CPD: variants seen among roughly 807,000 people sequenced by gnomAD.
CPD encodes metallocarboxypeptidase D.
In CPD, 69 loss-of-function variants were observed where a neutral mutation model predicts 138.3. That is an observed-to-expected ratio of 0.50 (90% CI 0.41 to 0.61). The LOEUF is 0.61. Ranked by LOEUF, CPD falls within the 20% of genes least tolerant of loss-of-function variation. The pLI is 0.00. For synonymous variants in CPD, 651 were observed against 642.1 expected, an observed-to-expected ratio of 1.01 and a Z score of -0.21; for missense variants, 1,432 against 1,733.3, an observed-to-expected ratio of 0.83 and a Z score of 3.09.
intron 2 of CPD, among the ~76,000 whole-genome samples, chr17:30,388,531 G>A (rs944165639): frequency 2.0e-5 from 3 of 152,200 alleles, no homozygotes; most frequent in South Asian, 4.1e-4. Flanking sequence ...ACAGTGCGCC[G>A]CCTCAGCTCC....
chr17:30,385,277 C>A (rs765417682), intron 2 of CPD, 41 bp downstream of exon 2: 4 of 1,605,418 alleles, frequency 2.5e-6, no homozygotes, highest in South Asian at 2.2e-5. Context: ...CCCCCTTGTT[C>A]GTTGAATTTT....
intron 1 of CPD, among the ~76,000 whole-genome samples, chr17:30,380,022 C>G (rs1567863183): frequency 6.6e-6 from 1 of 152,212 alleles, no homozygotes. Flanking sequence ...GAGAAGAGAT[C>G]TTAAGGATAA....
intron 13 of CPD, 36 bp downstream of exon 13, chr17:30,449,784 G>A (rs1913119245): frequency 6.6e-7 from 1 of 1,511,354 alleles, no homozygotes; most frequent in African/African-American, 1.4e-5. Flanking sequence ...GCTTTAAAAG[G>A]AAAAAGCTCA....
intron 14 of CPD, chr17:30,454,177 T>C (rs1913233897): frequency 6.6e-6 from 1 of 152,268 alleles, no homozygotes; most frequent in Admixed American, 6.5e-5. Flanking sequence ...GGGTTTTTCT[T>C]TTCTATTGCA....
rs1196362024 is a variant in CPD at position 30,415,290 on chromosome 17, C to CAG, written c.995-5550_995-5549dup. On this transcript the variant is annotated intron_variant, in intron 2 of 20. Transcript: ENST00000225719. Reference sequence around the variant, plus strand: ...TGTCCCCCTACAGTCATTTTCCATCCAGCAGTCAGAATGATCTTGACAGAA... The same window carrying CAG: ...TGTCCCCCTACAGTCATTTTCCATCCAGAGCAGTCAGAATGATCTTGACAGAA... Among the ~76,000 whole-genome samples, 2 of 152,120 alleles carry CAG rather than the reference C, an allele frequency of 1.3e-5. 1 individual carries two copies. The highest frequency in any genetic ancestry group is 1.3e-4 in the Admixed American group (2 of 15,268).
At chr17:30,438,358 T>C (rs1368483553) in intron 8 of CPD, among the ~76,000 whole-genome samples, 1 of 152,162 alleles carries the variant, frequency 6.6e-6, no homozygotes, top group Non-Finnish European at 1.5e-5. Flanking sequence ...CATTTGTGTC[T>C]CCATGGCAGT....
intron 2 of CPD, 95 bp downstream of exon 2, chr17:30,385,331 CTAACTT>C: frequency 7.1e-7 from 1 of 1,411,242 alleles, no homozygotes; most frequent in Admixed American, 2.3e-5. Flanking sequence ...CTGTAGAAAT[CTAACTT>C]TAAAAGATAT....
At chr17:30,438,850 C>T (rs532846425) in intron 8 of CPD, 125 bp from the exon 9 acceptor site, 7 of 546,322 alleles carry the variant, frequency 1.3e-5, no homozygotes, top group Non-Finnish European at 2.3e-5. Flanking sequence ...CCCCACCCCA[C>T]TCCCACCTCC....
chr17:30,415,723 A>G (rs1276585109), intron 2 of CPD, among the ~76,000 whole-genome samples: 1 of 152,220 alleles, frequency 6.6e-6, no homozygotes, highest in East Asian at 1.9e-4. Context: ...AATTACCAAG[A>G]GGTGGAAGCA....
At chr17:30,437,657 G>A (rs1912737524) in intron 8 of CPD, among the ~76,000 whole-genome samples, 1 of 152,098 alleles carries the variant, frequency 6.6e-6, no homozygotes, top group Admixed American at 6.6e-5. Flanking sequence ...ACTGCACTCT[G>A]AGCTGGGTGA....
At chr17:30,431,967 A>G in intron 8 of CPD, 86 bp downstream of exon 8, 1 of 881,228 alleles carries the variant, frequency 1.1e-6, no homozygotes, top group Non-Finnish European at 1.7e-6. Context: ...ACTCAGGTCA[A>G]GTGCTTCCAT....
intron 2 of CPD, among the ~76,000 whole-genome samples, chr17:30,408,927 A>G (rs1911881774): frequency 6.6e-6 from 1 of 152,120 alleles, no homozygotes; most frequent in African/African-American, 2.4e-5. Context: ...AAAAACTGGC[A>G]CAGTATTCTT....
intron 15 of CPD, 193 bp from the exon 16 acceptor site, chr17:30,456,063 A>G (rs1379931590): frequency 1.8e-6 from 1 of 560,280 alleles, no homozygotes; most frequent in Non-Finnish European, 3.2e-6. Flanking sequence ...GAACCTTTTC[A>G]TGTAAAGAGG....
chr17:30,411,489 G>GT lies in CPD; in HGVS notation c.995-9351dup, dbSNP rs1352116092. On this transcript the variant is annotated intron_variant, in intron 2 of 20. Transcript: ENST00000225719. ...GTTCCATTCTCCCCGTCACTTTCAG[G>GT]TACACCAATCAAATGTAGATTTGGT... 7.2e-5 allele frequency among the ~76,000 whole-genome samples: 11 copies of GT among 152,146 alleles called. 1 individual carries two copies. Among genetic ancestry groups the GT allele is most frequent in the Admixed American group, 3.9e-4 (6 of 15,272 alleles).
intron 2 of CPD, among the ~76,000 whole-genome samples, chr17:30,393,495 A>G (rs1911411959): frequency 6.6e-6 from 1 of 152,218 alleles, no homozygotes; most frequent in Non-Finnish European, 1.5e-5. Flanking sequence ...ATGTAACTAT[A>G]AAAATACAAT....
At chr17:30,440,646 G>A (rs1185457961) in intron 9 of CPD, among the ~76,000 whole-genome samples, 3 of 148,744 alleles carry the variant, frequency 2.0e-5, no homozygotes, top group African/African-American at 7.4e-5. Flanking sequence ...AGTTTTCCCA[G>A]CACCATTTAT....
intron 7 of CPD, among the ~76,000 whole-genome samples, chr17:30,428,104 T>C (rs1322014821): frequency 6.6e-6 from 1 of 152,250 alleles, no homozygotes; most frequent in Non-Finnish European, 1.5e-5. Flanking sequence ...ATTTAGATTT[T>C]GATATTCTCT....
At position 30,423,526 on chromosome 17, in the gene CPD, A is replaced by G. The variant is rs531960935; in HGVS notation, c.1678A>G (p.Ile560Val). ...TTCAGGTGAACCAGAATTTAAGTAC[A>G]TTGGAAATATGCATGGAAATGAAGT... is the stretch of plus-strand genomic sequence containing the variant. ...HEPGEPEFKYIGNMHGNEVVG... is the reference protein window; with the variant it reads ...HEPGEPEFKYVGNMHGNEVVG... The change falls in exon 6 of 21, where the codon ATT (isoleucine) becomes GTT (valine). Residue 560 changes from isoleucine (I) to valine (V), a missense_variant. Coordinates refer to ENST00000225719, the MANE Select transcript of CPD (RefSeq NM_001304.5). 5 of 1,582,146 alleles carry G rather than the reference A, an allele frequency of 3.2e-6. No homozygotes were observed. The African/African-American group carries it at 5.5e-5, about 17-fold the overall frequency.
chr17:30,420,366 AC>A (rs1346426108), intron 2 of CPD, among the ~76,000 whole-genome samples: 11 of 152,328 alleles, frequency 7.2e-5, no homozygotes, highest in Middle Eastern at 3.4e-3. Context: ...AATATGCTTC[AC>A]AACTTTGAGA....
Sources: gnomAD v4.1 joint callset for allele counts (sites outside exome capture counted in the v4.1 genomes callset) on GRCh38, gnomAD v4.1.1 for gene constraint, MANE v1.5 for transcripts, NCBI Gene and HGNC (gene_info 2026-07-23, HGNC 2026-07-21) for gene names.